The following NUP85 variants were observed in gnomAD, a reference collection of about 807,000 sequenced individuals.
The protein encoded by NUP85 is nuclear pore complex protein Nup85.
NUP85 carries 23 observed loss-of-function variants against 92.8 expected under a neutral mutation model. The ratio of observed to expected loss-of-function variants is 0.25; its 90% CI spans 0.18 to 0.35. The LOEUF is 0.35. Ranked by LOEUF, NUP85 falls within the 10% of genes least tolerant of loss-of-function variation. NUP85 has a pLI of 1.00. For missense variants in NUP85, 759 were observed against 822.8 expected (o/e 0.92, Z 0.95); for synonymous variants, 314 against 306.9 (o/e 1.02, Z -0.24).
chr17:75,225,170 C>G lies in NUP85; in HGVS notation c.665C>G (p.Ala222Gly). 1 of 1,605,946 alleles carries G rather than the reference C, an allele frequency of 6.2e-7. No individual in the cohort carries two copies. The highest frequency in any genetic ancestry group is 8.5e-7 in the Non-Finnish European group (1 of 1,175,080). Reference sequence around the variant, plus strand: ...CAGATGCTCTCCAAGGAAGCCGATGCCAGCCCCGCCTCTGCAGGCATATGC... The same window carrying G: ...CAGATGCTCTCCAAGGAAGCCGATGGCAGCCCCGCCTCTGCAGGCATATGC... ...ARQMLSKEAD[A>G]SPASAGICRI... The change falls in exon 8 of 19, where the codon GCC becomes GGC. Residue 222 changes from alanine to glycine, a missense_variant. By Grantham distance (60) the Ala-to-Gly change is moderately conservative. Coordinates refer to ENST00000245544, the MANE Select transcript of NUP85 (RefSeq NM_024844.5).
At chr17:75,228,255 AAG>A (rs2075900304) in intron 11 of NUP85, 1 of 985,378 alleles carries the variant, frequency 1.0e-6, no homozygotes, top group Non-Finnish European at 1.2e-6. Context: ...GCAGAAGAGA[AAG>A]AGAAGTACCA....
chr17:75,234,973 G>C, intron 17 of NUP85, 127 bp from the exon 18 acceptor site: 2 of 1,039,048 alleles, frequency 1.9e-6, no homozygotes, highest in Non-Finnish European at 1.5e-6. Context: ...TTTGAAATGA[G>C]GTATTCGTAT....
At chr17:75,226,823 G>T in intron 11 of NUP85, 1 of 433,546 alleles carries the variant, frequency 2.3e-6, no homozygotes, top group Non-Finnish European at 4.6e-6. Context: ...CCTGTTTCTT[G>T]GCACCTAATG....
chr17:75,211,197 T>A lies in NUP85; in HGVS notation c.291-795T>A, dbSNP rs529280699. 1.3e-4 allele frequency among the ~76,000 whole-genome samples: 19 copies of A among 151,496 alleles called. No homozygotes were observed. The East Asian group carries it at 2.0e-3, about 16-fold the overall frequency. The stretch of plus-strand genomic sequence containing the variant: ...TTTGCATTTTTAGTAGAGATGGGGT[T>A]TCATCATTTTGGCTGGGCTGGTCTT... On this transcript the variant is annotated intron_variant, in intron 3 of 18. Transcript: ENST00000245544.
Position 75,231,866 on chromosome 17 carries a change from C to T in NUP85, c.1283C>T (p.Pro428Leu). 5 of 1,614,144 alleles carry T rather than the reference C, an allele frequency of 3.1e-6. No homozygotes were observed. The highest frequency in any genetic ancestry group is 1.1e-5 in the South Asian group (1 of 91,076). The change falls in exon 14 of 19, where the codon CCC (proline) becomes CTC (leucine). Residue 428 changes from proline (P) to leucine (L), a missense_variant. By Grantham distance (98) the Pro-to-Leu change is moderately conservative. Coordinates refer to ENST00000245544, the MANE Select transcript of NUP85 (RefSeq NM_024844.5). This position sits in a 1 kb window ranked among gnomAD's most constrained non-coding sequence, Gnocchi z 4.6. ...QLGVDYFDYCPELGRVSLELH... is the reference protein window; with the variant it reads ...QLGVDYFDYCLELGRVSLELH... ...GGGGTCGATTACTTTGATTACTGCC[C>T]CGAGCTGGGCCGAGTCTCCCTGGAG... is the stretch of plus-strand genomic sequence containing the variant.
intron 14 of NUP85, among the ~76,000 whole-genome samples, chr17:75,232,401 A>G (rs2076099981): frequency 6.6e-6 from 1 of 152,048 alleles, no homozygotes; most frequent in Non-Finnish European, 1.5e-5. Context: ...TTCTCCCCTC[A>G]CTGTTGAGTA....
intron 14 of NUP85, 29 bp downstream of exon 14, chr17:75,232,008 T>C (rs745930604): frequency 2.2e-5 from 35 of 1,612,040 alleles, no homozygotes; most frequent in Non-Finnish European, 3.0e-5. Flanking sequence ...CAGCCTACTG[T>C]CTGTGGGACG....
At chr17:75,234,390 A>T (rs1568097982) in intron 16 of NUP85, among the ~76,000 whole-genome samples, 2 of 152,044 alleles carry the variant, frequency 1.3e-5, no homozygotes, top group Non-Finnish European at 2.9e-5. Flanking sequence ...GACTCTTGTT[A>T]TGTATTTTGA....
At chr17:75,212,110 G>GTT (rs56406015) in intron 4 of NUP85, 48 bp downstream of exon 4, 101,723 of 902,400 alleles carry the variant, frequency 0.11, 639 homozygotes, top group African/African-American at 0.15. Flanking sequence ...GTGTGTGTGT[G>GTT]GGTATTTTGA....
In NUP85 at chr17:75,234,894, G is replaced by T. The variant is rs930366904; in HGVS notation, c.1767+106G>T. 8 of 1,390,012 alleles carry T rather than the reference G, an allele frequency of 5.8e-6. No individual in the cohort carries two copies. In the African/African-American group the frequency reaches 9.9e-5, roughly 17 times the overall value. 86.1% of individuals were successfully genotyped at this position (1,390,012 alleles called of 1,614,324 possible). A position where few individuals can be genotyped will look rare whatever the true frequency, so the allele number is the denominator to read the frequency against. On this transcript the variant is annotated intron_variant, in intron 17 of 18. Transcript: ENST00000245544. Reference sequence around the variant, plus strand: ...TGTTTCCTCCTTTGTCGTTCTGCCTGTGCGCGTGTATTCCCCTTAGCGCCC... The same window carrying T: ...TGTTTCCTCCTTTGTCGTTCTGCCTTTGCGCGTGTATTCCCCTTAGCGCCC...
At chr17:75,213,210 G>A (rs929252194) in intron 5 of NUP85, 91 bp downstream of exon 5, 2 of 1,111,490 alleles carry the variant, frequency 1.8e-6, no homozygotes, top group Non-Finnish European at 2.7e-6. Flanking sequence ...TGTTATGGCA[G>A]AAGTCTCTTC....
Position 75,225,229 on chromosome 17 carries a change from A to T in NUP85, c.724A>T (p.Ile242Phe), listed in dbSNP as rs762028528. Residue 242 changes from isoleucine (I) to phenylalanine (F), a missense_variant, in exon 8 of 19, where the codon ATT becomes TTT. Coordinates refer to ENST00000245544, the MANE Select transcript of NUP85 (RefSeq NM_024844.5). ...IMGDLMRTMP[I>F]LSPGNTQTLT... ...GGGGGACCTGATGAGGACAATGCCC[A>T]TTCTTAGTGTACGTGGGGGTAGCTT... The T allele has an allele frequency of 6.9e-6, 11 of 1,605,336 alleles. No homozygotes were observed. Among genetic ancestry groups the T allele is most frequent in the Non-Finnish European group, 9.4e-6 (11 of 1,174,144 alleles).
intron 11 of NUP85, chr17:75,228,971 G>T (rs1439241350): frequency 2.0e-6 from 2 of 985,282 alleles, no homozygotes; most frequent in South Asian, 4.7e-5. Flanking sequence ...TCCTCCACAG[G>T]GTCCCTTCTT....
In NUP85 at chr17:75,224,829, GA is replaced by G. The variant is rs11482792; in HGVS notation, c.598-258del. Among the ~76,000 whole-genome samples, 993 of 132,412 alleles carry G rather than the reference GA, an allele frequency of 7.5e-3. 15 individuals carry two copies. Among genetic ancestry groups the G allele is most frequent in the African/African-American group, 0.026 (914 of 34,766 alleles). 86.9% of individuals were successfully genotyped at this position (132,412 alleles called of 152,430 possible). On this transcript the variant is annotated intron_variant, in intron 7 of 18. Transcript: ENST00000245544. ...CCTGGGCAACAAGAGGGGAACTCTG[GA>G]AAAAAAAAAAAAAAAGGTGGTCACA...
intron 18 of NUP85, 56 bp downstream of exon 18, chr17:75,235,257 T>C: frequency 1.6e-6 from 2 of 1,287,628 alleles, no homozygotes; most frequent in East Asian, 2.3e-5. Context: ...AGGCTCCCTC[T>C]ATCTCAGGCT....
intron 7 of NUP85, among the ~76,000 whole-genome samples, chr17:75,221,716 G>A (rs2075603727): frequency 6.6e-6 from 1 of 152,192 alleles, no homozygotes; most frequent in Non-Finnish European, 1.5e-5. Context: ...TTACTTCTAA[G>A]CCATATGGGG....
intron 1 of NUP85, 79 bp from the exon 2 acceptor site, chr17:75,208,440 CAAAAAAAA>C (rs10579016): frequency 2.8e-4 from 164 of 576,540 alleles, no homozygotes; most frequent in East Asian, 3.7e-4. Context: ...GTCTTTGTCT[CAAAAAAAA>C]AAAAAAAAAA....
At chr17:75,228,023 A>T (rs2075890006) in intron 11 of NUP85, 1 of 180,330 alleles carries the variant, frequency 5.5e-6, no homozygotes, top group Non-Finnish European at 1.1e-5. Flanking sequence ...AGTGAGAATA[A>T]CTTAAAAACA....
At chr17:75,233,348 T>G (rs1287453095) in intron 16 of NUP85, among the ~76,000 whole-genome samples, 190 bp downstream of exon 16, 1 of 148,852 alleles carries the variant, frequency 6.7e-6, no homozygotes, top group South Asian at 2.1e-4. Context: ...CCTCCATGTT[T>G]GTTTGTTTGT....
Sources: allele counts gnomAD v4.1 joint callset (sites outside exome capture counted in the v4.1 genomes callset), GRCh38; gene constraint gnomAD v4.1.1; non-coding constraint Gnocchi (gnomAD v3.1); transcripts MANE v1.5; gene names NCBI Gene and HGNC (gene_info 2026-07-23, HGNC 2026-07-21).